SLC22A31: variants seen among roughly 807,000 people sequenced by gnomAD.
SLC22A31 encodes putative solute carrier family 22 member 31.
SLC22A31 carries 42 observed loss-of-function variants against 27.4 expected under a neutral mutation model. The ratio of observed to expected loss-of-function variants is 1.53; its 90% confidence interval spans 1.20 to 1.98. The LOEUF is 1.98. SLC22A31 is among the 30% of genes most tolerant of loss of function. SLC22A31 has a pLI of 0.00. For synonymous variants in SLC22A31, 290 were observed against 230.8 expected, an observed-to-expected ratio of 1.26 and a Z score of -2.33; for missense variants, 593 against 479.9, an observed-to-expected ratio of 1.24 and a Z score of -2.20.
At chr16:89,197,809 C>T (rs1196624963) in intron 7 of SLC22A31, among the ~76,000 whole-genome samples, 2 of 152,250 alleles carry the variant, frequency 1.3e-5, no homozygotes, top group East Asian at 3.8e-4. Context: ...CCCTCCCACA[C>T]CAGTCCATGG....
In SLC22A31 at chr16:89,198,278, T is replaced by C. The variant is rs929441478; in HGVS notation, c.766A>G (p.Thr256Ala). 11 of 1,535,916 alleles carry C rather than the reference T, an allele frequency of 7.2e-6. No individual in the cohort carries two copies. The South Asian group carries it at 1.3e-4, about 18-fold the overall frequency. Residue 256 changes from threonine (T) to alanine (A), a missense_variant, in exon 7 of 9, where the codon ACC becomes GCC. Coordinates refer to ENST00000682282, the MANE Select transcript of SLC22A31 (RefSeq NM_001384763.1). ...FRRSLAPQVPTFYLPYFLEAG... is the reference protein window; with the variant it reads ...FRRSLAPQVPAFYLPYFLEAG... ...TCCAGGAAGTAGGGCAGGTAGAAGGTCGGCACCTGAGGTGCCAGGCTGCGG... is the reference window on the plus strand; with the variant it reads ...TCCAGGAAGTAGGGCAGGTAGAAGGCCGGCACCTGAGGTGCCAGGCTGCGG...
Position 89,198,125 on chromosome 16 carries a change from G to C in SLC22A31, c.919C>G (p.Gln307Glu), listed in dbSNP as rs768398332. ...GCCTGCGGGGCCCCAAGCTCACACT[G>C]GGCCCCAGCGAGGAGCAGCAGGGAT... is the stretch of plus-strand genomic sequence containing the variant. Reference protein sequence around the residue: ...LASLLLLAGAQYLPGWTVLFL... With the variant: ...LASLLLLAGAEYLPGWTVLFL... Residue 307 changes from glutamine (Q) to glutamate (E), a missense_variant, in exon 7 of 9, where the codon CAG becomes GAG. Gln to Glu is a conservative substitution (Grantham distance 29). Transcript: ENST00000682282. 1.3e-6 allele frequency: 2 copies of C among 1,529,788 alleles called. No individual in the cohort carries two copies. Among genetic ancestry groups the C allele is most frequent in the Non-Finnish European group, 1.7e-6 (2 of 1,146,304 alleles). 94.8% of individuals were successfully genotyped at this position (1,529,788 alleles called of 1,614,324 possible).
chr16:89,198,782 G>A lies in SLC22A31; in HGVS notation c.468C>T (p.Phe156=). 1 of 1,532,336 alleles carries A rather than the reference G, an allele frequency of 6.5e-7. No homozygotes were observed. Among genetic ancestry groups the A allele is most frequent in the South Asian group, 1.2e-5 (1 of 83,952 alleles). The allele number at this position is 1,532,336 out of a possible 1,614,324, so 94.9% of individuals were successfully genotyped here. The change falls in exon 5 of 9, where the codon TTC becomes TTT. Residue 156 remains phenylalanine, a synonymous_variant. Coordinates refer to ENST00000682282, the MANE Select transcript of SLC22A31 (RefSeq NM_001384763.1). Reference sequence around the variant, plus strand: ...CCAGCAGCCAGCAGGGAGACTCGGGGAACAGGGCCGGGAACCTGCAGCGTT... The same window carrying A: ...CCAGCAGCCAGCAGGGAGACTCGGGAAACAGGGCCGGGAACCTGCAGCGTT... ...LLLFWGFPAL[F]PESPCWLLAT...
intron 1 of SLC22A31, chr16:89,200,045 C>T (rs1335976076): frequency 1.3e-5 from 5 of 385,440 alleles, no homozygotes; most frequent in Non-Finnish European, 2.3e-5. Context: ...ATCTGCCCAC[C>T]CTAAGTTTTC....
At chr16:89,197,059 C>T (rs1345299948) in intron 8 of SLC22A31, among the ~76,000 whole-genome samples, 1 of 152,144 alleles carries the variant, frequency 6.6e-6, no homozygotes, top group Non-Finnish European at 1.5e-5. Flanking sequence ...TGGCTTCAGG[C>T]CTGCGTGGCC....
rs1567781987 is a variant in SLC22A31, at chr16:89,198,750, C to G, written c.500G>C (p.Gly167Ala). 12 of 1,535,412 alleles carry G rather than the reference C, an allele frequency of 7.8e-6. No individual in the cohort carries two copies. The highest frequency in any genetic ancestry group is 1.4e-5 in the African/African-American group (1 of 73,172). The change falls in exon 5 of 9, where the codon GGT (glycine) becomes GCT (alanine). Residue 167 changes from glycine to alanine, a missense_variant. Physicochemically the swap from Gly to Ala is moderately conservative, Grantham distance 60. Transcript: ENST00000682282. ...PESPCWLLAT[G>A]QVARARKILW... Reference sequence around the variant, plus strand: ...GATCTTCCTGGCTCGAGCTACCTGACCTGTGGCCAGCAGCCAGCAGGGAGA... The same window carrying G: ...GATCTTCCTGGCTCGAGCTACCTGAGCTGTGGCCAGCAGCCAGCAGGGAGA...
Position 89,196,151 on chromosome 16 carries a change from C to G in SLC22A31, c.1189G>C (p.Glu397Gln), listed in dbSNP as rs1160674190. Reference protein sequence around the residue: ...LALLCVLLLPESRSRGLPQSL... With the variant: ...LALLCVLLLPQSRSRGLPQSL... The stretch of plus-strand genomic sequence containing the variant: ...TGGGGCAGCCCCCGGCTTCGGCTCT[C>G]AGGCAGCAGCAGGACACACAGCAGG... Residue 397 changes from glutamate (E) to glutamine (Q), a missense_variant, in exon 9 of 9, where the codon GAG (glutamate) becomes CAG (glutamine). By Grantham distance (29) the Glu-to-Gln change is conservative. Coordinates refer to ENST00000682282, the MANE Select transcript of SLC22A31 (RefSeq NM_001384763.1). The G allele has an allele frequency of 3.6e-5, 55 of 1,534,994 alleles. No homozygotes were observed. The highest frequency in any genetic ancestry group is 4.6e-5 in the Non-Finnish European group (53 of 1,146,534).
intron 4 of SLC22A31, 47 bp downstream of exon 4, chr16:89,198,976 T>C (rs981404023): frequency 2.6e-6 from 4 of 1,521,508 alleles, no homozygotes; most frequent in African/African-American, 2.8e-5. Context: ...GGAAGCTACA[T>C]AGTCAGCCCC....
intron 7 of SLC22A31, 30 bp downstream of exon 7, chr16:89,198,092 C>T: frequency 1.3e-6 from 2 of 1,532,134 alleles, no homozygotes; most frequent in Non-Finnish European, 1.7e-6. Context: ...CACAATGGCT[C>T]CTGTATGGCC....
upstream of SLC22A31, chr16:89,201,669 C>A (rs770102322): frequency 3.8e-5 from 15 of 395,840 alleles, no homozygotes; most frequent in South Asian, 1.8e-3. Context: ...CTCCATCGGT[C>A]GCAGGCTGCG....
At chr16:89,198,041 C>T (rs766599827) in intron 7 of SLC22A31, 81 bp downstream of exon 7, 24 of 1,459,210 alleles carry the variant, frequency 1.6e-5, no homozygotes, top group East Asian at 5.0e-5. Context: ...GCTCCCCTGT[C>T]GGCACTATGG....
chr16:89,200,990 C>G, upstream of SLC22A31: 1 of 349,744 alleles, frequency 2.9e-6, no homozygotes, highest in Non-Finnish European at 5.1e-6. Flanking sequence ...CCACCGGCGC[C>G]TTCGGCTCCA....
chr16:89,199,392 A>G, intron 3 of SLC22A31, 21 bp downstream of exon 3: 1 of 595,174 alleles, frequency 1.7e-6, no homozygotes. Flanking sequence ...CCCCAGTGAC[A>G]GCAGCCCCCA....
intron 8 of SLC22A31, among the ~76,000 whole-genome samples, 154 bp downstream of exon 8, chr16:89,197,144 A>C (rs1423066762): frequency 6.6e-6 from 1 of 152,082 alleles, no homozygotes; most frequent in Non-Finnish European, 1.5e-5. Flanking sequence ...ATCCAGGAGC[A>C]GGGCAGTGCT....
chr16:89,196,109 C>A lies in SLC22A31; in HGVS notation c.1231G>T (p.Asp411Tyr). ...RGLPQSLQDA[D>Y]RLRRSPLLRG... ...AGGAGTGGGGAGCGGCGCAGGCGGT[C>A]GGCGTCCTGCAGTGACTGGGGCAGC... The change falls in exon 9 of 9, where the codon GAC becomes TAC. Residue 411 changes from aspartate (D) to tyrosine (Y), a missense_variant. By Grantham distance (160) the Asp-to-Tyr change is radical. Coordinates refer to ENST00000682282, the MANE Select transcript of SLC22A31 (RefSeq NM_001384763.1). The A allele has an allele frequency of 1.3e-6, 2 of 1,534,018 alleles. No homozygotes were observed. Among genetic ancestry groups the A allele is most frequent in the Non-Finnish European group, 1.7e-6 (2 of 1,146,354 alleles).
rs1331252862 is a variant in SLC22A31, at chr16:89,196,299, G to A, written c.1041C>T (p.Ala347=). Residue 347 remains alanine, a synonymous_variant, in exon 9 of 9, where the codon GCC becomes GCT. Transcript: ENST00000682282. ...CGGCCCCCAGCACCAGGCCCAGCCC[G>A]GCCCCCCTGTGGGACAGAGTGTGTT... ...AEVFPTVIRG[A]GLGLVLGAGF... is the part of the protein sequence containing the mutation. The A allele has an allele frequency of 1.1e-5, 17 of 1,499,980 alleles. No homozygotes were observed. In the East Asian group the frequency reaches 1.2e-4, roughly 11 times the overall value. 92.9% of individuals were successfully genotyped at this position (1,499,980 alleles called of 1,614,324 possible).
rs547221289 is a variant in SLC22A31 at position 89,198,820 on chromosome 16, C to T, written c.453-23G>A. On this transcript the variant is annotated intron_variant, in intron 4 of 8. Transcript: ENST00000682282. The stretch of plus-strand genomic sequence containing the variant: ...AACCTGCAGCGTTGGTGAGGATGCC[C>T]ACGGCTCCCTCCACCTCCTCCTGGA... 1.4e-5 allele frequency: 22 copies of T among 1,519,368 alleles called. No homozygotes were observed. In the African/African-American group the frequency reaches 2.2e-4, roughly 15 times the overall value. The allele number at this position is 1,519,368 out of a possible 1,614,324, so 94.1% of individuals were successfully genotyped here.
intron 7 of SLC22A31, 68 bp from the exon 8 acceptor site, chr16:89,197,477 T>G: frequency 8.7e-7 from 1 of 1,153,000 alleles, no homozygotes; most frequent in Non-Finnish European, 1.2e-6. Context: ...CTCAGGGCCC[T>G]TCCCCAGAGA....
At chr16:89,196,586 G>T (rs894921550) in intron 8 of SLC22A31, among the ~76,000 whole-genome samples, 11 of 152,228 alleles carry the variant, frequency 7.2e-5, no homozygotes, top group Admixed American at 7.2e-4. Flanking sequence ...TTTGCTGGCT[G>T]AGGATAATTT....
Sources: gnomAD v4.1 joint callset for allele counts (sites outside exome capture counted in the v4.1 genomes callset) on GRCh38, gnomAD v4.1.1 for gene constraint, MANE v1.5 for transcripts, NCBI Gene and HGNC (gene_info 2026-07-23, HGNC 2026-07-21) for gene names.